PCDH15: variants seen among roughly 807,000 people sequenced by gnomAD.
The protein encoded by PCDH15 is protocadherin-15.
Under a neutral mutation model 178.5 loss-of-function variants are expected in PCDH15, and 129 were observed. That is an observed-to-expected ratio of 0.72 (90% confidence interval 0.63 to 0.84). PCDH15 has a LOEUF of 0.84. PCDH15 is among the 40% of genes least tolerant of loss of function. PCDH15 has a pLI of 0.00. For missense variants in PCDH15, 2,230 were observed against 2,099.9 expected, an observed-to-expected ratio of 1.06 and a Z score of -1.21; for synonymous variants, 800 against 732.0, an observed-to-expected ratio of 1.09 and a Z score of -1.50.
chr10:54,402,518 A>T (rs1952061537), intron 3 of PCDH15, among the ~76,000 whole-genome samples: 3 of 151,846 alleles, frequency 2.0e-5, no homozygotes, highest in East Asian at 1.9e-4. Context: ...GCATTTTTTT[A>T]AAAGTTTGAA....
chr10:53,981,431 A>C (rs1022338888), intron 21 of PCDH15, among the ~76,000 whole-genome samples: 1 of 152,216 alleles, frequency 6.6e-6, no homozygotes, highest in Non-Finnish European at 1.5e-5. Flanking sequence ...CTACAAGGCT[A>C]CAGTAACCAA....
intron 2 of PCDH15, among the ~76,000 whole-genome samples, chr10:54,962,569 G>A (rs142684927): frequency 1.1e-3 from 172 of 152,312 alleles, no homozygotes; most frequent in African/African-American, 3.8e-3. Flanking sequence ...GTACCACAGT[G>A]TTCCCCTCAT....
At chr10:53,927,900 G>A (rs1589461361) in intron 25 of PCDH15, among the ~76,000 whole-genome samples, 1 of 152,066 alleles carries the variant, frequency 6.6e-6, no homozygotes, top group Non-Finnish European at 1.5e-5. Flanking sequence ...GACAATGAAT[G>A]ATTAAGCAAA....
intron 25 of PCDH15, among the ~76,000 whole-genome samples, chr10:53,906,612 A>C (rs915887770): frequency 2.6e-5 from 4 of 152,190 alleles, no homozygotes; most frequent in African/African-American, 9.7e-5. Flanking sequence ...TGAAACAAAA[A>C]GTTAACTCTT....
intron 13 of PCDH15, among the ~76,000 whole-genome samples, chr10:54,173,012 G>C (rs1185448211): frequency 1.3e-5 from 2 of 152,076 alleles, no homozygotes; most frequent in East Asian, 3.9e-4. Context: ...TAAATATTCT[G>C]TTTTCAGTTA....
Position 54,236,905 on chromosome 10 carries a change from C to A in PCDH15, c.903G>T (p.Thr301=). 6.2e-7 allele frequency: 1 copy of A among 1,612,920 alleles called. No homozygotes were observed. The highest frequency in any genetic ancestry group is 8.5e-7 in the Non-Finnish European group (1 of 1,179,456). Residue 301 remains threonine (T), a synonymous_variant, in exon 9 of 38, where the codon ACG becomes ACT. Transcript: ENST00000644397. ...CCTGATCAATGGCTTGGATTGGTGGCGTAACAATAATGGGGTTCAGTTCTT... is the reference window on the plus strand; with the variant it reads ...CCTGATCAATGGCTTGGATTGGTGGAGTAACAATAATGGGGTTCAGTTCTT... The part of the protein sequence containing the change: ...TPEELNPIIV[T]PPIQAIDQDR...
intron 2 of PCDH15, among the ~76,000 whole-genome samples, chr10:55,028,760 G>T (rs1186531580): frequency 6.6e-6 from 1 of 151,890 alleles, no homozygotes; most frequent in Non-Finnish European, 1.5e-5. Context: ...CAAATTTTCA[G>T]CCTGTTTTTG....
chr10:55,181,829 A>G (rs1654978445), intron 1 of PCDH15, among the ~76,000 whole-genome samples: 2 of 152,004 alleles, frequency 1.3e-5, no homozygotes, highest in Admixed American at 1.3e-4. Context: ...TTTTTAATAC[A>G]GAGGTATTTA....
At chr10:54,658,483 C>T (rs2094443653) in intron 2 of PCDH15, among the ~76,000 whole-genome samples, 1 of 152,030 alleles carries the variant, frequency 6.6e-6, no homozygotes, top group Admixed American at 6.6e-5. Flanking sequence ...TTTGAGCCTT[C>T]TTAAAGAAAA....
chr10:54,491,324 GAAAA>G (rs1565410646), intron 3 of PCDH15, among the ~76,000 whole-genome samples: 1 of 131,228 alleles, frequency 7.6e-6, no homozygotes, highest in Non-Finnish European at 1.7e-5. Context: ...AAAAAAGAAA[GAAAA>G]GTTAAAAAAA....
At chr10:54,702,175 T>C (rs900236031) in intron 1 of PCDH15, among the ~76,000 whole-genome samples, 7 of 151,566 alleles carry the variant, frequency 4.6e-5, no homozygotes, top group South Asian at 2.1e-4. Context: ...TACAAATACA[T>C]CAAAATGAAA....
intron 2 of PCDH15, among the ~76,000 whole-genome samples, chr10:55,145,997 T>G (rs1838498803): frequency 6.7e-6 from 1 of 148,704 alleles, no homozygotes; most frequent in African/African-American, 2.5e-5. Context: ...AGGAATATCT[T>G]TCCAATTTCA....
intron 2 of PCDH15, among the ~76,000 whole-genome samples, chr10:55,390,509 C>A (rs919726964): frequency 1.3e-5 from 2 of 152,094 alleles, no homozygotes; most frequent in African/African-American, 4.8e-5. Context: ...GGAGTCAAGT[C>A]TTCTTAGTGT....
chr10:54,542,668 AG>A (rs1312689371), intron 2 of PCDH15, among the ~76,000 whole-genome samples: 1 of 152,206 alleles, frequency 6.6e-6, no homozygotes, highest in African/African-American at 2.4e-5. Flanking sequence ...CATATAGAAC[AG>A]GAAGTTCCAA....
chr10:54,408,228 G>A (rs1332476415), intron 3 of PCDH15, among the ~76,000 whole-genome samples: 2 of 151,528 alleles, frequency 1.3e-5, no homozygotes, highest in African/African-American at 2.4e-5. Context: ...TTGCAGAAGT[G>A]TTAATGATGT....
chr10:53,972,371 G>C (rs1589700795), intron 21 of PCDH15, among the ~76,000 whole-genome samples: 2 of 152,262 alleles, frequency 1.3e-5, no homozygotes, highest in Admixed American at 1.3e-4. Flanking sequence ...TCAGGACATA[G>C]GCATGTGCAA....
At chr10:53,927,890 G>T (rs1378076708) in intron 25 of PCDH15, among the ~76,000 whole-genome samples, 1 of 151,996 alleles carries the variant, frequency 6.6e-6, no homozygotes, top group East Asian at 1.9e-4. Context: ...GTATGACAGG[G>T]ACAATGAATG....
rs528722142 is a variant in PCDH15 at position 55,265,428 on chromosome 10, T to C, written c.-156+54171A>G. On this transcript the variant is annotated intron_variant, in intron 1 of 5. Transcript: ENST00000458638. ...TTTGAAATCTCCTGGGGAGACGTTA[T>C]GTCATTTTTGAATCAGACCCTGATG... 7.9e-5 allele frequency among the ~76,000 whole-genome samples: 12 copies of C among 152,100 alleles called. No individual in the cohort carries two copies. The South Asian group carries it at 2.5e-3, about 32-fold the overall frequency.
rs11004071 is a variant in PCDH15, at chr10:54,108,725, G to C, written c.1918-18662C>G. On this transcript the variant is annotated intron_variant, in intron 15 of 37. Transcript: ENST00000644397. ...GGCAGCACAACTCACAGGTCAGGGG[G>C]ATACTCTTTACTTCTGCTGAGGAGA... is the stretch of plus-strand genomic sequence containing the variant. 7.2e-3 allele frequency among the ~76,000 whole-genome samples: 1,092 copies of C among 152,144 alleles called. 18 individuals are homozygous for C. Among genetic ancestry groups the C allele is most frequent in the African/African-American group, 0.025 (1,044 of 41,536 alleles).
Sources: allele counts gnomAD v4.1 joint callset (sites outside exome capture counted in the v4.1 genomes callset), GRCh38; gene constraint gnomAD v4.1.1; transcripts MANE v1.5; gene names NCBI Gene and HGNC (gene_info 2026-07-23, HGNC 2026-07-21).